Variants in ZNF589 observed in about 807,000 individuals in gnomAD.
ZNF589 encodes KRAB-zinc finger protein SZF1-1.
ZNF589 carries 17 observed loss-of-function variants against 13.6 expected under a neutral mutation model. The observed-to-expected ratio is 1.25, with a 90% CI of 0.86 to 1.88. The LOEUF is 1.88. ZNF589 is among the 40% of genes most tolerant of loss of function. ZNF589 has a pLI of 0.00. For missense variants in ZNF589, 407 were observed against 434.0 expected (o/e 0.94, Z 0.55); for synonymous variants, 148 against 161.6 (o/e 0.92, Z 0.64).
chr3:48,247,651 C>T lies in ZNF589; in HGVS notation c.70C>T (p.Pro24Ser), dbSNP rs781672185. Reference protein sequence around the residue: ...EALPAKDSAWPWEEKPRYLGP... With the variant: ...EALPAKDSAWSWEEKPRYLGP... ...TCTGCCTGCCAAGGATTCTGCCTGG[C>T]CCTGGGAAGAGAAGCCTAGATATCT... Residue 24 changes from proline to serine, a missense_variant, in exon 2 of 4, where the codon CCC (proline) becomes TCC (serine). Physicochemically the swap from Pro to Ser is moderately conservative, Grantham distance 74. Coordinates refer to ENST00000354698, the MANE Select transcript of ZNF589 (RefSeq NM_016089.3). The T allele has an allele frequency of 9.3e-6, 15 of 1,612,942 alleles. No homozygotes were observed. In the South Asian group the frequency reaches 1.7e-4, roughly 18 times the overall value.
chr3:48,255,179 CTT>C lies in ZNF589; in HGVS notation c.97-5619_97-5618del, dbSNP rs375899065. On this transcript the variant is annotated intron_variant, in intron 2 of 3. Transcript: ENST00000354698. Reference sequence around the variant, plus strand: ...TCTAGTTTGCTGAGAGCTATTACTTCTTTTTTTTTTTTTTTTAAGACAGTCTC... The same window carrying C: ...TCTAGTTTGCTGAGAGCTATTACTTCTTTTTTTTTTTTTTAAGACAGTCTC... Among the ~76,000 whole-genome samples, 349 of 136,150 alleles carry C rather than the reference CTT, an allele frequency of 2.6e-3. 2 individuals are homozygous for C. Among genetic ancestry groups the C allele is most frequent in the African/African-American group, 7.8e-3 (289 of 37,270 alleles). The allele number at this position is 136,150 out of a possible 152,430, so 89.3% of individuals were successfully genotyped here.
Position 48,270,213 on chromosome 3 carries a change from A to G in ZNF589, c.*1427A>G, listed in dbSNP as rs567476696. ...TACTCAGAGTTCAGTCTCCAGCCCT[A>G]CAATCTGAGGGACACCTTTACCAGG... On this transcript the variant is annotated 3_prime_UTR_variant, in exon 4 of 4. Transcript: ENST00000354698. 6.6e-6 allele frequency: 3 copies of G among 457,172 alleles called. No individual in the cohort carries two copies. Among genetic ancestry groups the G allele is most frequent in the African/African-American group, 4.0e-5 (2 of 50,152 alleles). The allele number at this position is 457,172 out of a possible 1,614,324, so 28.3% of individuals were successfully genotyped here. A position where few individuals can be genotyped will look rare whatever the true frequency, so the allele number is the denominator to read the frequency against.
intron 2 of ZNF589, chr3:48,256,589 C>T (rs2106840750): frequency 1.4e-6 from 1 of 734,048 alleles, no homozygotes; most frequent in Non-Finnish European, 2.5e-6. Context: ...CTTCACACAC[C>T]CCTCAATCTT....
chr3:48,268,159 G>C lies in ZNF589; in HGVS notation c.468G>C (p.Trp156Cys), dbSNP rs2034041565. The C allele has an allele frequency of 6.2e-7, 1 of 1,613,478 alleles. No homozygotes were observed. Among genetic ancestry groups the C allele is most frequent in the Non-Finnish European group, 8.5e-7 (1 of 1,179,610 alleles). ...RVEGGVRPLF[W>C]STNERGALVG... ...AAGGAGGCGTCAGACCCTTGTTTTG[G>C]AGTACAAATGAAAGGGGGGCTTTAG... The change falls in exon 4 of 4, where the codon TGG becomes TGC. Residue 156 changes from tryptophan to cysteine, a missense_variant. Transcript: ENST00000354698.
chr3:48,253,031 G>A (rs770370828), intron 2 of ZNF589, among the ~76,000 whole-genome samples: 8 of 151,186 alleles, frequency 5.3e-5, no homozygotes, highest in South Asian at 2.1e-4. Context: ...TAATCTGGGC[G>A]TTTTTTATTT....
At position 48,268,804 on chromosome 3, in the gene ZNF589, G is replaced by T; in HGVS notation, c.*18G>T. On this transcript the variant is annotated 3_prime_UTR_variant, in exon 4 of 4. Transcript: ENST00000354698. ...GAGATTGAGGCCGAGGCTTTGTAAG[G>T]AGATCATGTCTCAACACACACCAGA... 1 of 1,599,266 alleles carries T rather than the reference G, an allele frequency of 6.3e-7. No homozygotes were observed. Among genetic ancestry groups the T allele is most frequent in the African/African-American group, 1.3e-5 (1 of 74,386 alleles).
chr3:48,269,380 A>G lies in ZNF589; in HGVS notation c.*594A>G. 1 of 717,048 alleles carries G rather than the reference A, an allele frequency of 1.4e-6. No individual in the cohort carries two copies. The highest frequency in any genetic ancestry group is 1.7e-5 in the South Asian group (1 of 57,574). The allele number at this position is 717,048 out of a possible 1,614,324, so 44.4% of individuals were successfully genotyped here. A position where few individuals can be genotyped will look rare whatever the true frequency, so the allele number is the denominator to read the frequency against. On this transcript the variant is annotated 3_prime_UTR_variant, in exon 4 of 4. Coordinates refer to ENST00000354698, the MANE Select transcript of ZNF589 (RefSeq NM_016089.3). Reference sequence around the variant, plus strand: ...CTTATGTGTGCAGCCAGTGTGGGCGAGGCTTTTGTGATAAATCAACTCTCC... The same window carrying G: ...CTTATGTGTGCAGCCAGTGTGGGCGGGGCTTTTGTGATAAATCAACTCTCC...
intron 1 of ZNF589, among the ~76,000 whole-genome samples, chr3:48,245,091 A>G (rs1475311504): frequency 6.6e-6 from 1 of 152,072 alleles, no homozygotes; most frequent in African/African-American, 2.4e-5. Context: ...GGCTTGAGCC[A>G]CGCCCAGCCA....
rs528962417 is a variant in ZNF589 at position 48,269,936 on chromosome 3, C to T, written c.*1150C>T. 2 of 426,186 alleles carry T rather than the reference C, an allele frequency of 4.7e-6. No homozygotes were observed. The highest frequency in any genetic ancestry group is 1.7e-5 in the South Asian group (1 of 58,818). The allele number at this position is 426,186 out of a possible 1,614,324, so 26.4% of individuals were successfully genotyped here. A position where few individuals can be genotyped will look rare whatever the true frequency, so the allele number is the denominator to read the frequency against. Reference sequence around the variant, plus strand: ...TCAAATCTATCCACTGTACGCCCACCCCACTCTTGTTCTAAGAGCTTTGGG... The same window carrying T: ...TCAAATCTATCCACTGTACGCCCACTCCACTCTTGTTCTAAGAGCTTTGGG... On this transcript the variant is annotated 3_prime_UTR_variant, in exon 4 of 4. Transcript: ENST00000354698.
intron 2 of ZNF589, among the ~76,000 whole-genome samples, chr3:48,249,972 A>T (rs1185848885): frequency 6.6e-6 from 1 of 152,142 alleles, no homozygotes; most frequent in African/African-American, 2.4e-5. Flanking sequence ...TACTAAAAAT[A>T]CAAAAATTAG....
At chr3:48,266,710 C>T (rs112291012) in intron 3 of ZNF589, among the ~76,000 whole-genome samples, 9 of 152,282 alleles carry the variant, frequency 5.9e-5, no homozygotes, top group South Asian at 2.1e-4. Context: ...TTATACACTG[C>T]ACTCCATTTT....
chr3:48,258,632 G>C (rs2033934975), intron 2 of ZNF589, among the ~76,000 whole-genome samples: 1 of 152,144 alleles, frequency 6.6e-6, no homozygotes, highest in Non-Finnish European at 1.5e-5. Flanking sequence ...CTTAGTTATA[G>C]CAAATTGTAA....
chr3:48,254,022 T>C (rs2033869255), intron 2 of ZNF589, among the ~76,000 whole-genome samples: 2 of 152,112 alleles, frequency 1.3e-5, no homozygotes, highest in South Asian at 4.2e-4. Context: ...CTCAGGAGTT[T>C]AAGGCTACAT....
intron 1 of ZNF589, among the ~76,000 whole-genome samples, chr3:48,245,363 C>T (rs924859607): frequency 5.9e-5 from 9 of 152,114 alleles, no homozygotes; most frequent in Admixed American, 4.6e-4. Context: ...CAGCCCACCT[C>T]GGCCACCTAA....
chr3:48,245,114 A>G (rs1166123871), intron 1 of ZNF589, among the ~76,000 whole-genome samples: 2 of 151,754 alleles, frequency 1.3e-5, no homozygotes, highest in South Asian at 2.1e-4. Flanking sequence ...ATAAGCTTAT[A>G]TGTATCTTTT....
rs1199988506 is a variant in ZNF589, at chr3:48,270,724, G to A, written c.*1938G>A. 5.9e-6 allele frequency: 1 copy of A among 169,792 alleles called. No individual in the cohort carries two copies. Among genetic ancestry groups the A allele is most frequent in the Non-Finnish European group, 1.3e-5 (1 of 78,194 alleles). 10.5% of individuals were successfully genotyped at this position (169,792 alleles called of 1,614,324 possible). ...CCTCAAAATACTTAGGCTTGGTTTT[G>A]ATGCTAGAGAGGAAAAAGGACTTGG... On this transcript the variant is annotated 3_prime_UTR_variant, in exon 4 of 4. Coordinates refer to ENST00000354698, the MANE Select transcript of ZNF589 (RefSeq NM_016089.3).
chr3:48,257,363 G>A lies in ZNF589; in HGVS notation c.97-3450G>A, dbSNP rs529748359. On this transcript the variant is annotated intron_variant, in intron 2 of 3. Transcript: ENST00000354698. ...CAACCCCTGCCTCCTGGGTTCAAGC[G>A]ATTCTCCTGCCTCAGCCTCCCGAGT... 6.6e-5 allele frequency among the ~76,000 whole-genome samples: 10 copies of A among 152,090 alleles called. No homozygotes were observed. The East Asian group carries it at 1.7e-3, about 27-fold the overall frequency.
rs182831944 is a variant in ZNF589, at chr3:48,251,268, G to A, written c.96+3591G>A. Reference sequence around the variant, plus strand: ...AAGTGATGCTGGAAAATCTCAGCACGCAACTGTAGTTCCAGCTACTCGGGA... The same window carrying A: ...AAGTGATGCTGGAAAATCTCAGCACACAACTGTAGTTCCAGCTACTCGGGA... On this transcript the variant is annotated intron_variant, in intron 2 of 3. Transcript: ENST00000354698. 1.9e-3 allele frequency among the ~76,000 whole-genome samples: 294 copies of A among 152,212 alleles called. 3 individuals carry two copies. Among genetic ancestry groups the A allele is most frequent in the African/African-American group, 6.5e-3 (270 of 41,554 alleles).
At position 48,269,438 on chromosome 3, in the gene ZNF589, C is replaced by A. The variant is rs550561069; in HGVS notation, c.*652C>A. On this transcript the variant is annotated 3_prime_UTR_variant, in exon 4 of 4. Transcript: ENST00000354698. ...CGAGCAGACACATTCAGGGGAGAAG[C>A]CTTATGTGTGTGGGGAATGTGGGCG... 6 of 447,376 alleles carry A rather than the reference C, an allele frequency of 1.3e-5. No individual in the cohort carries two copies. Among genetic ancestry groups the A allele is most frequent in the East Asian group, 4.6e-5 (1 of 21,648 alleles). The allele number at this position is 447,376 out of a possible 1,614,324, so 27.7% of individuals were successfully genotyped here. A position where few individuals can be genotyped will look rare whatever the true frequency, so the allele number is the denominator to read the frequency against.
Sources: gnomAD v4.1 joint callset for allele counts (sites outside exome capture counted in the v4.1 genomes callset) on GRCh38, gnomAD v4.1.1 for gene constraint, MANE v1.5 for transcripts, NCBI Gene and HGNC (gene_info 2026-07-23, HGNC 2026-07-21) for gene names.